Variants in TRRAP observed in about 807,000 individuals in gnomAD.
TRRAP encodes transformation/transcription domain associated protein.
In TRRAP, 41 loss-of-function variants were observed where a neutral mutation model predicts 438.8. The observed-to-expected ratio is 0.09, with a 90% CI of 0.07 to 0.12. The LOEUF (loss-of-function observed/expected upper bound fraction) is 0.12, where lower values mean the gene tolerates loss of function less well. Ranked by LOEUF, TRRAP falls within the 10% of genes least tolerant of loss-of-function variation. The pLI is 1.00. For missense variants in TRRAP, 3,122 were observed against 5,055.1 expected (o/e 0.62, Z 11.60); for synonymous variants, 1,994 against 1,962.9 (o/e 1.02, Z -0.42).
intron 30 of TRRAP, among the ~76,000 whole-genome samples, chr7:98,939,352 T>G (rs1790693212): frequency 6.6e-6 from 1 of 152,040 alleles, no homozygotes; most frequent in Non-Finnish European, 1.5e-5. Flanking sequence ...TGTATCACAG[T>G]GCACAGATAC....
chr7:98,999,194 G>T, intron 67 of TRRAP: 1 of 1,478,130 alleles, frequency 6.8e-7, no homozygotes, highest in Non-Finnish European at 9.4e-7. Context: ...CAGTCCTTCA[G>T]ATAGGCTTTG....
Position 98,907,323 on chromosome 7 carries a change from CA to C in TRRAP, c.1115+1080del, listed in dbSNP as rs34059724. Reference sequence around the variant, plus strand: ...GGGCAATAAGAGTGAAACTCTGTCTCAAAAAAAAAAAAGTAGTGATAATGGT... The same window carrying C: ...GGGCAATAAGAGTGAAACTCTGTCTCAAAAAAAAAAAGTAGTGATAATGGT... On this transcript the variant is annotated intron_variant, in intron 13 of 72. Coordinates refer to ENST00000456197, the MANE Select transcript of TRRAP (RefSeq NM_001375524.1). 5.0e-3 allele frequency among the ~76,000 whole-genome samples: 694 copies of C among 137,676 alleles called. 3 individuals are homozygous for C. Among genetic ancestry groups the C allele is most frequent in the African/African-American group, 0.015 (561 of 37,660 alleles). 90.3% of individuals were successfully genotyped at this position (137,676 alleles called of 152,430 possible). A position where few individuals can be genotyped will look rare whatever the true frequency, so the allele number is the denominator to read the frequency against.
chr7:98,927,397 T>G, intron 23 of TRRAP, 31 bp downstream of exon 23: 2 of 1,609,296 alleles, frequency 1.2e-6, no homozygotes. Context: ...GGGCACGGGA[T>G]TGGTTCTTTG....
At chr7:98,992,595 T>TA (rs561039463) in intron 65 of TRRAP, among the ~76,000 whole-genome samples, 196 of 151,700 alleles carry the variant, frequency 1.3e-3, no homozygotes, top group African/African-American at 4.1e-3. Context: ...GTGTTTAAGT[T>TA]ATGAGGAGTA....
intron 69 of TRRAP, among the ~76,000 whole-genome samples, chr7:99,007,628 C>T (rs1452987289): frequency 1.3e-5 from 2 of 151,872 alleles, no homozygotes; most frequent in Non-Finnish European, 2.9e-5. Flanking sequence ...GGATTACAGG[C>T]GTGAGCCACC....
At chr7:98,969,809 G>A (rs946402821) in intron 51 of TRRAP, among the ~76,000 whole-genome samples, 1 of 152,196 alleles carries the variant, frequency 6.6e-6, no homozygotes, top group Non-Finnish European at 1.5e-5. Context: ...CGAGTCTGGG[G>A]GTGAGGTGGG....
intron 19 of TRRAP, among the ~76,000 whole-genome samples, chr7:98,916,604 A>G (rs1324757824): frequency 2.0e-5 from 3 of 152,222 alleles, no homozygotes; most frequent in Non-Finnish European, 2.9e-5. Context: ...TGAATCTGCC[A>G]TGGGAGTGGA....
chr7:98,889,721 T>A (rs868961466), intron 3 of TRRAP, among the ~76,000 whole-genome samples: 5 of 151,722 alleles, frequency 3.3e-5, no homozygotes, highest in African/African-American at 4.8e-5. Flanking sequence ...CCCAGCTTTT[T>A]AAAAAAAATT....
intron 67 of TRRAP, among the ~76,000 whole-genome samples, chr7:99,001,534 G>A (rs780831575): frequency 1.4e-4 from 20 of 144,310 alleles, no homozygotes; most frequent in Non-Finnish European, 2.4e-4. Flanking sequence ...GGCTTTTGAT[G>A]TAAAAAAAAA....
intron 67 of TRRAP, among the ~76,000 whole-genome samples, chr7:99,001,628 C>G (rs1793924172): frequency 6.6e-6 from 1 of 152,192 alleles, no homozygotes; most frequent in South Asian, 2.1e-4. Flanking sequence ...CAGACACGCA[C>G]AGCCAGAGCT....
chr7:98,943,709 A>G (rs1342953660), intron 31 of TRRAP, among the ~76,000 whole-genome samples: 2 of 152,162 alleles, frequency 1.3e-5, no homozygotes, highest in African/African-American at 2.4e-5. Flanking sequence ...TATTATTTGT[A>G]TATGTTTATT....
intron 20 of TRRAP, among the ~76,000 whole-genome samples, chr7:98,918,227 CTTTT>C (rs71118647): frequency 2.4e-5 from 2 of 83,202 alleles, no homozygotes; most frequent in Non-Finnish European, 2.5e-5. Flanking sequence ...GGGTTATATT[CTTTT>C]TTTTTTTTTT....
At chr7:98,999,389 T>A (rs1793817882) in intron 67 of TRRAP, 4 of 1,312,704 alleles carry the variant, frequency 3.0e-6, no homozygotes, top group Non-Finnish European at 4.4e-6. Context: ...CATCCACAAT[T>A]TCCTCTTGAT....
At chr7:98,919,760 A>T (rs1181400930) in intron 20 of TRRAP, among the ~76,000 whole-genome samples, 2 of 152,164 alleles carry the variant, frequency 1.3e-5, no homozygotes, top group Non-Finnish European at 2.9e-5. Context: ...GTGGGAGAGG[A>T]GGAGGAGGTG....
chr7:98,977,515 A>G (rs1200285386), intron 56 of TRRAP, among the ~76,000 whole-genome samples: 1 of 152,250 alleles, frequency 6.6e-6, no homozygotes, highest in Non-Finnish European at 1.5e-5. Context: ...TAAAGGCTCT[A>G]TGACTGAAGT....
In TRRAP at chr7:98,948,589, C is replaced by T; in HGVS notation, c.4692C>T (p.Pro1564=). The T allele has an allele frequency of 6.2e-7, 1 of 1,614,094 alleles. No individual in the cohort carries two copies. Among genetic ancestry groups the T allele is most frequent in the Non-Finnish European group, 8.5e-7 (1 of 1,180,020 alleles). ...LIEAGSPFRE[P]LIKFLTRHPS... ...AGGCGGGGAGTCCATTCCGAGAGCC[C>T]CTGATCAAGTTCCTGACTCGACATC... is the stretch of plus-strand genomic sequence containing the variant. Residue 1564 remains proline, a synonymous_variant, in exon 35 of 73, where the codon CCC becomes CCT. Coordinates refer to ENST00000456197, the MANE Select transcript of TRRAP (RefSeq NM_001375524.1). This position sits in a 1 kb window ranked among gnomAD's most constrained non-coding sequence, Gnocchi z 4.9.
At chr7:98,914,766 G>A (rs554636846) in intron 18 of TRRAP, among the ~76,000 whole-genome samples, 2 of 146,134 alleles carry the variant, frequency 1.4e-5, no homozygotes, top group Admixed American at 6.8e-5. Flanking sequence ...AAGAATGTTG[G>A]AATGTTTAAG....
Position 98,948,696 on chromosome 7 carries a change from TGA to T in TRRAP, c.4788+13_4788+14del. The T allele has an allele frequency of 2.3e-5, 37 of 1,614,186 alleles. No individual in the cohort carries two copies. The highest frequency in any genetic ancestry group is 3.1e-5 in the Non-Finnish European group (36 of 1,180,038). ...AGCAGAATGTTTATGGTAAGAGCTG[TGA>T]GCAGCTGGAGTCAGGGGTCCCTTCA... On this transcript the variant is annotated intron_variant, in intron 35 of 72. Coordinates refer to ENST00000456197, the MANE Select transcript of TRRAP (RefSeq NM_001375524.1). This position sits in a 1 kb window ranked among gnomAD's most constrained non-coding sequence, Gnocchi z 4.9.
At chr7:98,962,871 G>A (rs570550964) in intron 47 of TRRAP, among the ~76,000 whole-genome samples, 1 of 152,198 alleles carries the variant, frequency 6.6e-6, no homozygotes, top group Non-Finnish European at 1.5e-5. Flanking sequence ...CTCCTTAGGT[G>A]ATCAGGGCAG....
Sources: gnomAD v4.1 joint callset for allele counts (sites outside exome capture counted in the v4.1 genomes callset) on GRCh38, gnomAD v4.1.1 for gene constraint, Gnocchi (gnomAD v3.1) non-coding constraint, MANE v1.5 for transcripts, NCBI Gene and HGNC (gene_info 2026-07-23, HGNC 2026-07-21) for gene names.